The following ADD3 variants were observed in gnomAD, a reference collection of about 807,000 sequenced individuals.
The protein encoded by ADD3 is gamma-adducin.
Under a neutral mutation model 80.2 loss-of-function variants are expected in ADD3, and 25 were observed. The observed-to-expected ratio is 0.31, with a 90% confidence interval of 0.23 to 0.44. The LOEUF (loss-of-function observed/expected upper bound fraction) is 0.44. Among genes scored for constraint, ADD3 ranks in the 20% least tolerant of loss-of-function variants. The probability of loss-of-function intolerance (pLI) is 1.00; values close to 1 mark genes in which losing one functional copy is unlikely to be tolerated. For synonymous variants in ADD3, 284 were observed against 289.6 expected, an observed-to-expected ratio of 0.98 and a Z score of 0.20; for missense variants, 829 against 847.5, an observed-to-expected ratio of 0.98 and a Z score of 0.27.
intron 1 of ADD3, among the ~76,000 whole-genome samples, chr10:110,058,821 T>A (rs1858525631): frequency 6.6e-6 from 1 of 152,210 alleles, no homozygotes; most frequent in Non-Finnish European, 1.5e-5. Flanking sequence ...AGCTCATGAT[T>A]CTTTTCAGTA....
chr10:110,065,896 G>A (rs1165500147), intron 1 of ADD3, among the ~76,000 whole-genome samples: 1 of 151,628 alleles, frequency 6.6e-6, no homozygotes, highest in Admixed American at 6.6e-5. Flanking sequence ...CTTCATTCTC[G>A]CTAGTTTTTT....
upstream of ADD3, among the ~76,000 whole-genome samples, chr10:110,001,365 A>C (rs372546809): frequency 6.6e-6 from 1 of 151,528 alleles, no homozygotes; most frequent in East Asian, 1.9e-4. Flanking sequence ...TGGTGAGCTG[A>C]AATCACACCA....
chr10:110,034,382 C>CA (rs1055810617), intron 1 of ADD3, among the ~76,000 whole-genome samples: 2 of 151,554 alleles, frequency 1.3e-5, no homozygotes, highest in Admixed American at 1.3e-4. Flanking sequence ...CCTTTTGTTT[C>CA]AAAAAATTAC....
chr10:110,081,689 T>C (rs1253697798), intron 1 of ADD3, among the ~76,000 whole-genome samples: 2 of 152,182 alleles, frequency 1.3e-5, no homozygotes, highest in Non-Finnish European at 2.9e-5. Flanking sequence ...TAAAAAACTG[T>C]TGGAATTATT....
At chr10:110,027,645 C>T (rs1589778404) in intron 1 of ADD3, among the ~76,000 whole-genome samples, 2 of 152,118 alleles carry the variant, frequency 1.3e-5, no homozygotes, top group African/African-American at 4.8e-5. Flanking sequence ...AATTGGATAG[C>T]ATATCCCTGG....
chr10:110,119,454 A>G lies in ADD3; in HGVS notation c.862-12A>G. 3 of 1,613,808 alleles carry G rather than the reference A, an allele frequency of 1.9e-6. No individual in the cohort carries two copies. Among genetic ancestry groups the G allele is most frequent in the South Asian group, 2.2e-5 (2 of 91,022 alleles). On this transcript the variant is annotated splice_polypyrimidine_tract_variant and intron_variant, in intron 7 of 14. Coordinates refer to ENST00000356080, the MANE Select transcript of ADD3 (RefSeq NM_016824.5). ...GTTATTTCAAGTGATTGCTGTGGGC[A>G]TTCTATTTTAGGTGCTGGTACTCAG... is the stretch of plus-strand genomic sequence containing the variant.
chr10:110,017,417 T>G (rs1190803508), intron 1 of ADD3, among the ~76,000 whole-genome samples: 9 of 152,216 alleles, frequency 5.9e-5, no homozygotes, highest in Non-Finnish European at 7.3e-5. Flanking sequence ...TGTTAACTTT[T>G]GTTCCTTCTG....
intron 1 of ADD3, among the ~76,000 whole-genome samples, chr10:110,032,181 T>C (rs374523512): frequency 1.4e-4 from 22 of 152,210 alleles, no homozygotes; most frequent in African/African-American, 5.3e-4. Context: ...AATAATGGGA[T>C]AGAATAAGCA....
intron 1 of ADD3, among the ~76,000 whole-genome samples, chr10:110,059,328 T>G (rs1564907155): frequency 6.6e-6 from 1 of 151,810 alleles, no homozygotes; most frequent in Non-Finnish European, 1.5e-5. Flanking sequence ...AAAAATTAGC[T>G]GGGCGTGGTG....
rs57540485 is a variant in ADD3 at position 110,062,200 on chromosome 10, TAAAAAAAAAAAAAAAA to T, written c.-29-38403_-29-38388del. ...GAACATGGAGAAACACTGTCTCTAC[TAAAAAAAAAAAAAAAA>T]AAAAAAAAAAAAAAAAAAAAATACT... On this transcript the variant is annotated intron_variant, in intron 1 of 14. Coordinates refer to ENST00000356080, the MANE Select transcript of ADD3 (RefSeq NM_016824.5). 8.4e-3 allele frequency among the ~76,000 whole-genome samples: 295 copies of T among 35,236 alleles called. 3 individuals carry two copies. The highest frequency in any genetic ancestry group is 0.022 in the Middle Eastern group (1 of 46). 23.1% of individuals were successfully genotyped at this position (35,236 alleles called of 152,430 possible).
At chr10:110,098,898 G>A (rs1001722797) in intron 1 of ADD3, among the ~76,000 whole-genome samples, 3 of 151,950 alleles carry the variant, frequency 2.0e-5, no homozygotes, top group Admixed American at 6.6e-5. Context: ...AAAGTGCTGC[G>A]ATTATGGGCA....
Position 110,133,613 on chromosome 10 carries a change from G to T in ADD3, c.2116G>T (p.Ala706Ser), listed in dbSNP as rs889827960. The T allele has an allele frequency of 8.9e-6, 14 of 1,573,176 alleles. No homozygotes were observed. Among genetic ancestry groups the T allele is most frequent in the Non-Finnish European group, 1.1e-5 (13 of 1,165,954 alleles). ...KKNKKKEKVEA is the reference protein window; with the variant it reads ...KKNKKKEKVES ...GAACAAAAAAAAGGAGAAAGTTGAG[G>T]CCTAAATAAAGTCTTTTTATAATTA... The change falls in exon 15 of 15, where the codon GCC becomes TCC. Residue 706 changes from alanine to serine, a missense_variant. By Grantham distance (99) the Ala-to-Ser change is moderately conservative. Coordinates refer to ENST00000356080, the MANE Select transcript of ADD3 (RefSeq NM_016824.5).
intron 1 of ADD3, among the ~76,000 whole-genome samples, chr10:110,033,599 A>T (rs2133215476): frequency 6.6e-6 from 1 of 152,318 alleles, no homozygotes; most frequent in South Asian, 2.1e-4. Context: ...ATGGGATTTC[A>T]TAGAGGGAGC....
rs556055990 is a variant in ADD3, at chr10:110,119,191, G to T, written c.718-20G>T. ...TTTAGTAACCAAATGTGTTATCTTGGTATGGGCCAAACCAAATAGGTATCC... is the reference window on the plus strand; with the variant it reads ...TTTAGTAACCAAATGTGTTATCTTGTTATGGGCCAAACCAAATAGGTATCC... On this transcript the variant is annotated intron_variant, in intron 6 of 14. Coordinates refer to ENST00000356080, the MANE Select transcript of ADD3 (RefSeq NM_016824.5). The T allele has an allele frequency of 1.9e-6, 3 of 1,613,148 alleles. No individual in the cohort carries two copies. Among genetic ancestry groups the T allele is most frequent in the Non-Finnish European group, 2.5e-6 (3 of 1,179,578 alleles).
intron 1 of ADD3, among the ~76,000 whole-genome samples, chr10:110,054,091 A>G (rs1857841027): frequency 1.3e-5 from 2 of 152,166 alleles, no homozygotes; most frequent in Non-Finnish European, 1.5e-5. Context: ...GTAGAACAGA[A>G]TATGCGATAT....
At chr10:109,996,643 C>T (rs1041713218) in intron 1 of ADD3, among the ~76,000 whole-genome samples, 1 of 152,188 alleles carries the variant, frequency 6.6e-6, no homozygotes, top group Non-Finnish European at 1.5e-5. Context: ...AAATTAATGT[C>T]TTAGGTTTAT....
Position 110,116,220 on chromosome 10 carries a change from C to T in ADD3, c.335-39C>T, listed in dbSNP as rs1850709950. The T allele has an allele frequency of 3.1e-6, 5 of 1,606,084 alleles. No individual in the cohort carries two copies. The East Asian group carries it at 1.1e-4, about 36-fold the overall frequency. Reference sequence around the variant, plus strand: ...CAACTAATTTCCAGGTAAGGGATTGCATGACTCGTATCTCTCTCCACATTT... The same window carrying T: ...CAACTAATTTCCAGGTAAGGGATTGTATGACTCGTATCTCTCTCCACATTT... On this transcript the variant is annotated intron_variant, in intron 3 of 14. Coordinates refer to ENST00000356080, the MANE Select transcript of ADD3 (RefSeq NM_016824.5).
At chr10:110,120,841 C>T (rs1460188041) in intron 8 of ADD3, among the ~76,000 whole-genome samples, 7 of 152,054 alleles carry the variant, frequency 4.6e-5, no homozygotes, top group South Asian at 4.2e-4. Flanking sequence ...TCAGAAATAA[C>T]GCCACATACC....
At chr10:110,073,139 T>C (rs1430681489) in intron 1 of ADD3, among the ~76,000 whole-genome samples, 1 of 103,870 alleles carries the variant, frequency 9.6e-6, no homozygotes, top group Non-Finnish European at 1.7e-5. Flanking sequence ...TTTAGTTTTC[T>C]TTTTTTTTTT....
Sources: allele counts gnomAD v4.1 joint callset (sites outside exome capture counted in the v4.1 genomes callset), GRCh38; gene constraint gnomAD v4.1.1; transcripts MANE v1.5; gene names NCBI Gene and HGNC (gene_info 2026-07-23, HGNC 2026-07-21).